TEAD1: variants seen among roughly 807,000 people sequenced by gnomAD.
TEAD1 encodes transcriptional enhancer factor TEF-1.
A neutral mutation model predicts 54.9 loss-of-function variants in TEAD1; 9 were observed. The ratio of observed to expected loss-of-function variants is 0.16; its 90% confidence interval spans 0.10 to 0.29. The LOEUF (loss-of-function observed/expected upper bound fraction) is 0.29. TEAD1 is among the 10% of genes least tolerant of loss of function. The probability of loss-of-function intolerance (pLI) is 1.00; values close to 1 mark genes in which losing one functional copy is unlikely to be tolerated. For synonymous variants in TEAD1, 200 were observed against 187.8 expected (o/e 1.07, Z -0.53); for missense variants, 387 against 535.9 (o/e 0.72, Z 2.74).
rs77879426 is a variant in TEAD1 at position 12,724,308 on chromosome 11, G to T, written c.-54-39871G>T. Among the ~76,000 whole-genome samples the T allele has an allele frequency of 4.6e-5, 7 of 152,340 alleles. No individual in the cohort carries two copies. In the East Asian group the frequency reaches 1.4e-3, roughly 29 times the overall value. ...GAATAACTGGGTCTATGTACATAAA[G>T]TAGAATGATCGAGGCTCGATTTCAA... is the stretch of plus-strand genomic sequence containing the variant. On this transcript the variant is annotated intron_variant, in intron 2 of 12. Coordinates refer to ENST00000527636, the MANE Select transcript of TEAD1 (RefSeq NM_021961.6).
At chr11:12,824,933 G>T (rs1466912342) in intron 3 of TEAD1, among the ~76,000 whole-genome samples, 1 of 152,166 alleles carries the variant, frequency 6.6e-6, no homozygotes, top group African/African-American at 2.4e-5. Flanking sequence ...AGATGGTGCT[G>T]TTTTTTCATA....
At chr11:12,796,097 G>T (rs1041468759) in intron 3 of TEAD1, among the ~76,000 whole-genome samples, 4 of 152,098 alleles carry the variant, frequency 2.6e-5, no homozygotes, top group African/African-American at 7.2e-5. Flanking sequence ...GGGCCAGGAG[G>T]GGGGCTAGTG....
intron 3 of TEAD1, among the ~76,000 whole-genome samples, chr11:12,805,386 C>G (rs1946148627): frequency 6.6e-6 from 1 of 152,176 alleles, no homozygotes; most frequent in South Asian, 2.1e-4. Flanking sequence ...TGCAGGAAGT[C>G]TTCAGAATCA....
chr11:12,877,074 AGCTAGCTTTAG>A, intron 5 of TEAD1, among the ~76,000 whole-genome samples: 1 of 152,300 alleles, frequency 6.6e-6, no homozygotes, highest in Admixed American at 6.5e-5. Flanking sequence ...TAGTTGAGGA[AGCTAGCTTTAG>A]GTTAGAACAT....
At chr11:12,763,429 A>C (rs1945139497) in intron 2 of TEAD1, among the ~76,000 whole-genome samples, 1 of 152,206 alleles carries the variant, frequency 6.6e-6, no homozygotes, top group Non-Finnish European at 1.5e-5. Flanking sequence ...CTTGGTCCCT[A>C]CTTCAAGGTT....
At chr11:12,916,626 G>A (rs941723346) in intron 10 of TEAD1, among the ~76,000 whole-genome samples, 3 of 152,208 alleles carry the variant, frequency 2.0e-5, no homozygotes, top group Non-Finnish European at 2.9e-5. Flanking sequence ...TGTGGATAAA[G>A]ATGAGAAAAG....
rs1949158499 is a variant in TEAD1, at chr11:12,941,080, C to G, written c.*3858C>G. ...CCTGCCACTTTGGTCCCTGGCCTCT[C>G]CTGGGGGAGGCTGCTGTTCTTAGGT... On this transcript the variant is annotated 3_prime_UTR_variant, in exon 13 of 13. Coordinates refer to ENST00000527636, the MANE Select transcript of TEAD1 (RefSeq NM_021961.6). 6.6e-6 allele frequency: 1 copy of G among 152,284 alleles called. No homozygotes were observed. Among genetic ancestry groups the G allele is most frequent in the Non-Finnish European group, 1.5e-5 (1 of 68,134 alleles). The allele number at this position is 152,284 out of a possible 1,614,324, so 9.4% of individuals were successfully genotyped here.
intron 3 of TEAD1, among the ~76,000 whole-genome samples, chr11:12,852,004 A>C (rs1947284752): frequency 6.6e-6 from 1 of 152,130 alleles, no homozygotes; most frequent in Admixed American, 6.5e-5. Flanking sequence ...TGACTAACTC[A>C]GTTTGGATGG....
chr11:12,709,380 T>C (rs971564349), intron 2 of TEAD1, among the ~76,000 whole-genome samples: 1 of 152,146 alleles, frequency 6.6e-6, no homozygotes, highest in African/African-American at 2.4e-5. Flanking sequence ...TGATGTTTAC[T>C]TTTTATAGTT....
In TEAD1 at chr11:12,911,356, A is replaced by G. The variant is rs539747380; in HGVS notation, c.873+9243A>G. Among the ~76,000 whole-genome samples, 30 of 152,304 alleles carry G rather than the reference A, an allele frequency of 2.0e-4. No individual in the cohort carries two copies. In the South Asian group the frequency reaches 6.2e-3, roughly 32 times the overall value. On this transcript the variant is annotated intron_variant, in intron 10 of 12. Coordinates refer to ENST00000527636, the MANE Select transcript of TEAD1 (RefSeq NM_021961.6). ...TTTCTAATTGTATTCTGCATGATTT[A>G]GATTGGAATTGTAGACCTGAGTCTG...
At chr11:12,857,458 G>A (rs563214189) in intron 3 of TEAD1, among the ~76,000 whole-genome samples, 2 of 152,238 alleles carry the variant, frequency 1.3e-5, no homozygotes, top group African/African-American at 4.8e-5. Flanking sequence ...AAAGGAAGAC[G>A]GTCCCCAGGT....
intron 3 of TEAD1, among the ~76,000 whole-genome samples, chr11:12,813,550 G>A (rs1946349664): frequency 6.6e-6 from 1 of 152,208 alleles, no homozygotes; most frequent in African/African-American, 2.4e-5. Flanking sequence ...TAACATCAAA[G>A]CCAAGAACTG....
Position 12,907,549 on chromosome 11 carries a change from G to A in TEAD1, c.873+5436G>A, listed in dbSNP as rs147378085. Among the ~76,000 whole-genome samples, 3 of 152,134 alleles carry A rather than the reference G, an allele frequency of 2.0e-5. No homozygotes were observed. The South Asian group carries it at 6.2e-4, about 32-fold the overall frequency. ...TACTCCTATGTGTTTTAATTCTACA[G>A]CGTATTTAATTACAAAGAGAGAAAA... On this transcript the variant is annotated intron_variant, in intron 10 of 12. Transcript: ENST00000527636.
chr11:12,875,654 A>G (rs1315495508), intron 5 of TEAD1, among the ~76,000 whole-genome samples: 1 of 152,246 alleles, frequency 6.6e-6, no homozygotes, highest in African/African-American at 2.4e-5. Context: ...AATCACTGGT[A>G]TAGACATTTT....
Position 12,941,650 on chromosome 11 carries a change from A to G in TEAD1, c.*4428A>G, listed in dbSNP as rs1209766305. ...TGTTCACACCTGTAACATTAGGAGG[A>G]TATGTCTGCATTGCTTATTTCTTTA... is the stretch of plus-strand genomic sequence containing the variant. On this transcript the variant is annotated 3_prime_UTR_variant, in exon 13 of 13. Coordinates refer to ENST00000527636, the MANE Select transcript of TEAD1 (RefSeq NM_021961.6). 4 of 152,616 alleles carry G rather than the reference A, an allele frequency of 2.6e-5. No individual in the cohort carries two copies. The highest frequency in any genetic ancestry group is 4.8e-5 in the African/African-American group (2 of 41,428). The allele number at this position is 152,616 out of a possible 1,614,324, so 9.5% of individuals were successfully genotyped here.
rs976472695 is a variant in TEAD1 at position 12,719,951 on chromosome 11, T to G, written c.-54-44228T>G. Among the ~76,000 whole-genome samples the G allele has an allele frequency of 5.8e-4, 11 of 18,888 alleles. 1 individual carries two copies. Among genetic ancestry groups the G allele is most frequent in the African/African-American group, 1.3e-3 (4 of 2,978 alleles). The allele number at this position is 18,888 out of a possible 152,430, so 12.4% of individuals were successfully genotyped here. On this transcript the variant is annotated intron_variant, in intron 2 of 12. Transcript: ENST00000527636. ...CGGCGTGTGTTTGGAAATCTAATGTTTTTTTTTTTTTTTTTTTTTTTTTTT... is the reference window on the plus strand; with the variant it reads ...CGGCGTGTGTTTGGAAATCTAATGTGTTTTTTTTTTTTTTTTTTTTTTTTT...
chr11:12,690,161 G>T (rs1347594175), intron 2 of TEAD1, among the ~76,000 whole-genome samples: 1 of 148,866 alleles, frequency 6.7e-6, no homozygotes, highest in African/African-American at 2.5e-5. Context: ...AGAATGGCGT[G>T]AACCCAGGAG....
chr11:12,697,411 G>A (rs1306925201), intron 2 of TEAD1, among the ~76,000 whole-genome samples: 1 of 152,228 alleles, frequency 6.6e-6, no homozygotes, highest in Non-Finnish European at 1.5e-5. Flanking sequence ...AGGGGGTGCG[G>A]TGGCAGTGTC....
intron 2 of TEAD1, among the ~76,000 whole-genome samples, chr11:12,713,444 A>G (rs1466772180): frequency 3.3e-5 from 5 of 152,216 alleles, no homozygotes; most frequent in African/African-American, 9.7e-5. Context: ...CTAAAATGCA[A>G]ATCTATTCAA....
Sources: allele counts gnomAD v4.1 joint callset (sites outside exome capture counted in the v4.1 genomes callset), GRCh38; gene constraint gnomAD v4.1.1; transcripts MANE v1.5; gene names NCBI Gene and HGNC (gene_info 2026-07-23, HGNC 2026-07-21).